CLUAP1: variants seen among roughly 807,000 people sequenced by gnomAD.
CLUAP1 encodes clusterin-associated protein 1.
Under a neutral mutation model 55.0 loss-of-function variants are expected in CLUAP1, and 50 were observed. That is an observed-to-expected ratio of 0.91 (90% confidence interval 0.72 to 1.15). The LOEUF (loss-of-function observed/expected upper bound fraction) is 1.15. Among genes scored for constraint, CLUAP1 ranks in the 50% most tolerant of loss-of-function variants. The pLI is 0.00. For missense variants in CLUAP1, 530 were observed against 507.6 expected, an observed-to-expected ratio of 1.04 and a Z score of -0.42; for synonymous variants, 195 against 175.4, an observed-to-expected ratio of 1.11 and a Z score of -0.88.
At chr16:3,503,912 T>C (rs1567421134) in intron 1 of CLUAP1, among the ~76,000 whole-genome samples, 1 of 152,232 alleles carries the variant, frequency 6.6e-6, no homozygotes, top group Non-Finnish European at 1.5e-5. Context: ...TGAACATTGA[T>C]GGACCATTTT....
At chr16:3,535,220 G>A (rs1235634362) in intron 11 of CLUAP1, 1 of 152,990 alleles carries the variant, frequency 6.5e-6, no homozygotes, top group Non-Finnish European at 1.5e-5. Flanking sequence ...TTCTTGACAG[G>A]AGCAGTGCTG....
At chr16:3,507,799 A>T (rs2037539457) in intron 3 of CLUAP1, among the ~76,000 whole-genome samples, 1 of 151,926 alleles carries the variant, frequency 6.6e-6, no homozygotes, top group South Asian at 2.1e-4. Flanking sequence ...ACACTACAAG[A>T]TGTTTAGCAT....
rs563031592 is a variant in CLUAP1, at chr16:3,530,790, C to G, written c.1036+115C>G. 23 of 702,266 alleles carry G rather than the reference C, an allele frequency of 3.3e-5. No individual in the cohort carries two copies. The East Asian group carries it at 5.2e-4, about 16-fold the overall frequency. 43.5% of individuals were successfully genotyped at this position (702,266 alleles called of 1,614,324 possible). A position where few individuals can be genotyped will look rare whatever the true frequency, so the allele number is the denominator to read the frequency against. ...GCCCACAAGCGTGCTGCGAATGGCCCCTAGAAGCAGCTCTTGCTCAGGTTT... is the reference window on the plus strand; with the variant it reads ...GCCCACAAGCGTGCTGCGAATGGCCGCTAGAAGCAGCTCTTGCTCAGGTTT... On this transcript the variant is annotated intron_variant, in intron 10 of 11. Transcript: ENST00000576634.
At chr16:3,499,639 T>C (rs1202730103), upstream of CLUAP1, among the ~76,000 whole-genome samples, 2 of 152,254 alleles carry the variant, frequency 1.3e-5, no homozygotes, top group East Asian at 1.9e-4. Flanking sequence ...TTTCTCATTA[T>C]TGAGTGTTGA....
chr16:3,514,777 C>T (rs965765154), intron 5 of CLUAP1, among the ~76,000 whole-genome samples: 2 of 152,188 alleles, frequency 1.3e-5, no homozygotes, highest in Non-Finnish European at 1.5e-5. Context: ...CTAATCACCT[C>T]CTAACATCAT....
intron 8 of CLUAP1, among the ~76,000 whole-genome samples, chr16:3,523,837 A>G (rs2037886916): frequency 6.6e-6 from 1 of 152,104 alleles, no homozygotes; most frequent in South Asian, 2.1e-4. Context: ...GTGGTCGTAC[A>G]CACCTGTAGT....
Position 3,536,222 on chromosome 16 carries a change from G to T in CLUAP1, c.1193G>T (p.Arg398Leu), listed in dbSNP as rs753872535. 1 of 1,614,148 alleles carries T rather than the reference G, an allele frequency of 6.2e-7. No individual in the cohort carries two copies. The highest frequency in any genetic ancestry group is 1.7e-5 in the Admixed American group (1 of 60,012). ...SISLSPTKPN[R>L]RVRKSEPLDE... ...TCTCTCTCACCAACCAAGCCCAATC[G>T]AAGGGTCCGGAAATCTGAACCCCTG... The change falls in exon 12 of 12, where the codon CGA (arginine) becomes CTA (leucine). Residue 398 changes from arginine (R) to leucine (L), a missense_variant. Transcript: ENST00000576634.
At chr16:3,503,557 A>G (rs931537584) in intron 1 of CLUAP1, among the ~76,000 whole-genome samples, 9 of 151,056 alleles carry the variant, frequency 6.0e-5, no homozygotes, top group African/African-American at 2.2e-4. Flanking sequence ...TCGGCTCCCA[A>G]AGTGCTGAGA....
At chr16:3,532,641 C>A in intron 10 of CLUAP1, 145 bp from the exon 11 acceptor site, 1 of 766,484 alleles carries the variant, frequency 1.3e-6, no homozygotes, top group Non-Finnish European at 2.1e-6. Flanking sequence ...TGGCCTCAAA[C>A]TCCTGGCCTC....
At chr16:3,514,361 G>A (rs1333590397) in intron 5 of CLUAP1, among the ~76,000 whole-genome samples, 2 of 152,134 alleles carry the variant, frequency 1.3e-5, no homozygotes, top group South Asian at 2.1e-4. Context: ...GAGGAAGAGC[G>A]CCTATCCAGT....
At chr16:3,523,118 A>G (rs772846742) in intron 7 of CLUAP1, 40 bp from the exon 8 acceptor site, 70 of 1,559,554 alleles carry the variant, frequency 4.5e-5, no homozygotes, top group Middle Eastern at 3.7e-4. Flanking sequence ...ACTACTGCAT[A>G]TAATTCACCT....
At chr16:3,535,444 C>A (rs1283375868) in intron 11 of CLUAP1, 1 of 152,404 alleles carries the variant, frequency 6.6e-6, no homozygotes, top group Admixed American at 6.5e-5. Flanking sequence ...GATAGAACGA[C>A]CAGCCATCCT....
upstream of CLUAP1, among the ~76,000 whole-genome samples, chr16:3,498,800 C>A (rs1045369876): frequency 2.0e-5 from 3 of 152,038 alleles, no homozygotes; most frequent in Non-Finnish European, 2.9e-5. Context: ...GCAGAGCTTG[C>A]AGTGAGCCGA....
intron 4 of CLUAP1, among the ~76,000 whole-genome samples, chr16:3,511,209 T>C (rs915929874): frequency 5.9e-5 from 9 of 152,136 alleles, no homozygotes; most frequent in Admixed American, 5.2e-4. Flanking sequence ...GGAGAGTTGT[T>C]GCTAGTGGGT....
chr16:3,506,205 C>T, intron 2 of CLUAP1, 126 bp from the exon 3 acceptor site: 1 of 741,394 alleles, frequency 1.3e-6, no homozygotes, highest in Non-Finnish European at 2.4e-6. Flanking sequence ...CTTGATCTCA[C>T]TCTCCCACTT....
At chr16:3,517,861 G>T (rs1378560573) in intron 6 of CLUAP1, among the ~76,000 whole-genome samples, 1 of 152,208 alleles carries the variant, frequency 6.6e-6, no homozygotes, top group Non-Finnish European at 1.5e-5. Context: ...AGAGTGAAAA[G>T]GTTCTGAAAG....
In CLUAP1 at chr16:3,508,397, A is replaced by G. The variant is rs760866222; in HGVS notation, c.328A>G (p.Thr110Ala). 24 of 1,602,002 alleles carry G rather than the reference A, an allele frequency of 1.5e-5. No individual in the cohort carries two copies. Among genetic ancestry groups the G allele is most frequent in the Non-Finnish European group, 1.9e-5 (22 of 1,177,248 alleles). The change falls in exon 4 of 12, where the codon ACC (threonine) becomes GCC (alanine). Residue 110 changes from threonine (T) to alanine (A), a missense_variant. Physicochemically the swap from Thr to Ala is moderately conservative, Grantham distance 58. Coordinates refer to ENST00000576634, the MANE Select transcript of CLUAP1 (RefSeq NM_015041.3). ...ITSVLYNAMK[T>A]KGMEGSEIVE... ...ATCTGTCCTTTATAATGCTATGAAG[A>G]CCAAGGGGATGGAGGGCTCTGAAAT...
chr16:3,497,566 C>T (rs2037327569), upstream of CLUAP1, among the ~76,000 whole-genome samples: 1 of 152,156 alleles, frequency 6.6e-6, no homozygotes, highest in African/African-American at 2.4e-5. Flanking sequence ...GAAATATAGT[C>T]AGCAGAATGT....
chr16:3,521,159 C>T (rs1162106666), intron 7 of CLUAP1, among the ~76,000 whole-genome samples: 1 of 150,970 alleles, frequency 6.6e-6, no homozygotes, highest in Non-Finnish European at 1.5e-5. Flanking sequence ...CCTCTGGAGC[C>T]TCAGAGAGGG....
Sources: allele counts gnomAD v4.1 joint callset (sites outside exome capture counted in the v4.1 genomes callset), GRCh38; gene constraint gnomAD v4.1.1; transcripts MANE v1.5; gene names NCBI Gene and HGNC (gene_info 2026-07-23, HGNC 2026-07-21).